FREM1: variants seen among roughly 807,000 people sequenced by gnomAD.
FREM1 encodes the protein FRAS1 related extracellular matrix 1.
In FREM1, 220 loss-of-function variants were observed where a neutral mutation model predicts 210.1. The ratio of observed to expected loss-of-function variants is 1.05; its 90% CI spans 0.94 to 1.17. The LOEUF (loss-of-function observed/expected upper bound fraction) is 1.17. Among genes scored for constraint, FREM1 ranks in the 50% most tolerant of loss-of-function variants. FREM1 has a pLI of 0.00. For synonymous variants in FREM1, 1,189 were observed against 980.2 expected, an observed-to-expected ratio of 1.21 and a Z score of -3.98; for missense variants, 3,454 against 2,675.5, an observed-to-expected ratio of 1.29 and a Z score of -6.42.
rs117881664 is a variant in FREM1, at chr9:14,770,789, T to C, written c.4875A>G (p.Lys1625=). 4.9e-5 allele frequency: 79 copies of C among 1,612,236 alleles called. No individual in the cohort carries two copies. Among genetic ancestry groups the C allele is most frequent in the Non-Finnish European group, 6.6e-5 (78 of 1,179,074 alleles). Residue 1625 remains lysine, a synonymous_variant, in exon 26 of 37, where the codon AAA becomes AAG. Transcript: ENST00000380880. The part of the protein sequence containing the change: ...LFTIQVDQLD[K]TAPRITLLHS... ...GCAAGAGTGTGATACGAGGAGCTGT[T>C]TTGTCCAATTGGTCTACCTGGATCA...
chr9:14,812,815 T>C lies in FREM1; in HGVS notation c.2890A>G (p.Thr964Ala). The C allele has an allele frequency of 6.2e-7, 1 of 1,605,414 alleles. No homozygotes were observed. The highest frequency in any genetic ancestry group is 8.5e-7 in the Non-Finnish European group (1 of 1,174,784). ...TGGTCACCATGCTGCTGCTTACCTG[T>C]GTGTTTGTATGTCACGGCCTCTGAG... ...VISEAVTYKHTGGEIGLMPCF... is the reference protein window; with the variant it reads ...VISEAVTYKHAGGEIGLMPCF... The change falls in exon 16 of 37, where the codon ACA becomes GCA. Residue 964 changes from threonine to alanine, a missense_variant. Coordinates refer to ENST00000380880, the MANE Select transcript of FREM1 (RefSeq NM_001379081.2).
intron 3 of FREM1, among the ~76,000 whole-genome samples, chr9:14,860,572 C>CTGTGTGT (rs1829672802): frequency 3.4e-5 from 3 of 88,018 alleles, no homozygotes; most frequent in African/African-American, 1.4e-4. Flanking sequence ...TATATATACA[C>CTGTGTGT]ATATATATAC....
Position 14,801,751 on chromosome 9 carries a change from T to A in FREM1, c.3595A>T (p.Arg1199Trp). Residue 1199 changes from arginine to tryptophan, a missense_variant, in exon 20 of 37, where the codon AGG becomes TGG. By Grantham distance (101) the Arg-to-Trp change is moderately radical. Transcript: ENST00000380880. ...QKPRHGLLID[R>W]GFSKDFSENK... The stretch of plus-strand genomic sequence containing the variant: ...TCAGAGAAGTCTTTGCTAAACCCCC[T>A]ATCGATGAGGAGGCCATGGCGTGGC... 6.2e-7 allele frequency: 1 copy of A among 1,613,920 alleles called. No individual in the cohort carries two copies. Among genetic ancestry groups the A allele is most frequent in the African/African-American group, 1.3e-5 (1 of 75,018 alleles).
At chr9:14,847,485 T>G (rs1397464017) in intron 7 of FREM1, among the ~76,000 whole-genome samples, 1 of 145,666 alleles carries the variant, frequency 6.9e-6, no homozygotes, top group South Asian at 2.3e-4. Flanking sequence ...TGGACAGAAG[T>G]GCATAAGAAG....
At chr9:14,813,986 A>T (rs1178203040) in intron 15 of FREM1, among the ~76,000 whole-genome samples, 1 of 152,088 alleles carries the variant, frequency 6.6e-6, no homozygotes, top group East Asian at 1.9e-4. Flanking sequence ...ATCCCATGCT[A>T]TGGGGTGCCT....
chr9:14,741,905 A>G (rs1157737555), intron 35 of FREM1, among the ~76,000 whole-genome samples: 1 of 152,212 alleles, frequency 6.6e-6, no homozygotes, highest in African/African-American at 2.4e-5. Flanking sequence ...GGTAAAATCC[A>G]TTTTAGCTGC....
chr9:14,841,224 TA>T (rs1825650309), intron 10 of FREM1, among the ~76,000 whole-genome samples: 1 of 152,222 alleles, frequency 6.6e-6, no homozygotes, highest in African/African-American at 2.4e-5. Context: ...GTCCCATAGT[TA>T]AATGACCTTG....
At chr9:14,743,974 A>G (rs942232402) in intron 35 of FREM1, among the ~76,000 whole-genome samples, 1 of 152,148 alleles carries the variant, frequency 6.6e-6, no homozygotes, top group Non-Finnish European at 1.5e-5. Context: ...TAACAGCTTA[A>G]CCATCTTAAT....
chr9:14,876,492 A>G (rs1833775030), intron 1 of FREM1, among the ~76,000 whole-genome samples: 1 of 152,152 alleles, frequency 6.6e-6, no homozygotes, highest in South Asian at 2.1e-4. Context: ...CAGGTGCAGG[A>G]TATAATCTCC....
At chr9:14,844,058 A>G (rs1468044235) in intron 8 of FREM1, among the ~76,000 whole-genome samples, 1 of 152,162 alleles carries the variant, frequency 6.6e-6, no homozygotes, top group Admixed American at 6.5e-5. Flanking sequence ...AGTATACAGA[A>G]TGCTTTCTAC....
In FREM1 at chr9:14,812,760, G is replaced by A. The variant is rs1819627716; in HGVS notation, c.2893+52C>T. Reference sequence around the variant, plus strand: ...TTATGGGAGCCCACACTGAGGAGTGGAGACTCTCATGTTGCTTGCATTCCC... The same window carrying A: ...TTATGGGAGCCCACACTGAGGAGTGAAGACTCTCATGTTGCTTGCATTCCC... On this transcript the variant is annotated intron_variant, in intron 16 of 36. Transcript: ENST00000380880. 2 of 1,539,912 alleles carry A rather than the reference G, an allele frequency of 1.3e-6. 1 individual carries two copies. Among genetic ancestry groups the A allele is most frequent in the South Asian group, 2.5e-5 (2 of 78,694 alleles).
At chr9:14,880,054 C>T (rs1401570542) in intron 1 of FREM1, among the ~76,000 whole-genome samples, 1 of 152,016 alleles carries the variant, frequency 6.6e-6, no homozygotes, top group Non-Finnish European at 1.5e-5. Flanking sequence ...AGGGTAGAGT[C>T]CTCATGATGG....
At chr9:14,850,845 G>A (rs1279246391) in intron 6 of FREM1, among the ~76,000 whole-genome samples, 2 of 152,208 alleles carry the variant, frequency 1.3e-5, no homozygotes, top group African/African-American at 4.8e-5. Flanking sequence ...GGTGAGCCCT[G>A]GGTCAAATGT....
In FREM1 at chr9:14,770,591, A is replaced by G. The variant is rs1202038512; in HGVS notation, c.5059+14T>C. On this transcript the variant is annotated intron_variant, in intron 26 of 36. Transcript: ENST00000380880. ...TTTTAAAATGGCAATTGTAAGGATTAAGGAGGCCAGTACCTGTTGTTGTGT... is the reference window on the plus strand; with the variant it reads ...TTTTAAAATGGCAATTGTAAGGATTGAGGAGGCCAGTACCTGTTGTTGTGT... 6.3e-7 allele frequency: 1 copy of G among 1,596,584 alleles called. No individual in the cohort carries two copies. Among genetic ancestry groups the G allele is most frequent in the Non-Finnish European group, 8.6e-7 (1 of 1,164,928 alleles).
In FREM1 at chr9:14,788,884, T is replaced by C. The variant is rs145562818; in HGVS notation, c.4177+35A>G. On this transcript the variant is annotated intron_variant, in intron 23 of 36. Transcript: ENST00000380880. ...GGAATACTTATACCAGTTAGCAAAG[T>C]TGATCCCAGTAAACCTTGGTAGACG... 1.2e-3 allele frequency: 1,946 copies of C among 1,557,304 alleles called. 8 individuals are homozygous for C. Among genetic ancestry groups the C allele is most frequent in the Middle Eastern group, 6.6e-3 (39 of 5,926 alleles).
intron 5 of FREM1, among the ~76,000 whole-genome samples, chr9:14,854,370 C>A (rs1475406674): frequency 6.6e-6 from 1 of 151,800 alleles, no homozygotes; most frequent in African/African-American, 2.4e-5. Context: ...CAAAAATGTC[C>A]AATTATATGT....
chr9:14,899,100 C>A (rs1233654485), intron 1 of FREM1, among the ~76,000 whole-genome samples: 2 of 152,162 alleles, frequency 1.3e-5, no homozygotes, highest in Admixed American at 1.3e-4. Context: ...CCATCAGTAA[C>A]AAAAAGGAAC....
intron 29 of FREM1, among the ~76,000 whole-genome samples, chr9:14,755,834 G>A (rs1185911596): frequency 6.6e-6 from 1 of 152,154 alleles, no homozygotes; most frequent in African/African-American, 2.4e-5. Flanking sequence ...ACACACTTGA[G>A]AGCAAGTACC....
At chr9:14,868,240 A>C (rs1353301825) in intron 2 of FREM1, among the ~76,000 whole-genome samples, 1 of 152,214 alleles carries the variant, frequency 6.6e-6, no homozygotes, top group Admixed American at 6.5e-5. Context: ...TCTGACTGGC[A>C]ATGGATGTGA....
Sources: allele counts gnomAD v4.1 joint callset (sites outside exome capture counted in the v4.1 genomes callset), GRCh38; gene constraint gnomAD v4.1.1; transcripts MANE v1.5; gene names NCBI Gene and HGNC (gene_info 2026-07-23, HGNC 2026-07-21).